Variants in GCNT3 observed in about 807,000 individuals in gnomAD.
GCNT3 encodes beta-1,3-galactosyl-O-glycosyl-glycoprotein beta-1,6-N-acetylglucosaminyltransferase 3.
For synonymous variants in GCNT3, 269 were observed against 195.2 expected (o/e 1.38, Z -3.15); for missense variants, 708 against 530.3 (o/e 1.34, Z -3.29).
chr15:59,617,555 A>T (rs2082725581), intron 2 of GCNT3, among the ~76,000 whole-genome samples: 2 of 152,242 alleles, frequency 1.3e-5, no homozygotes, highest in Non-Finnish European at 2.9e-5. Context: ...GTGTGCAAGT[A>T]TATTTTAAAC....
intron 1 of GCNT3, among the ~76,000 whole-genome samples, chr15:59,615,431 C>T (rs2082714765): frequency 6.6e-6 from 1 of 152,138 alleles, no homozygotes; most frequent in Admixed American, 6.5e-5. Flanking sequence ...GGTGTCTCTC[C>T]ACCCAAAATT....
At position 59,613,534 on chromosome 15, in the gene GCNT3, C is replaced by CAATAAATAAATA. The variant is rs199605633; in HGVS notation, c.-251+1588_-251+1599dup. Among the ~76,000 whole-genome samples the CAATAAATAAATA allele has an allele frequency of 4.2e-3, 564 of 135,486 alleles. 5 individuals are homozygous for CAATAAATAAATA. Among genetic ancestry groups the CAATAAATAAATA allele is most frequent in the African/African-American group, 0.014 (508 of 36,124 alleles). 88.9% of individuals were successfully genotyped at this position (135,486 alleles called of 152,430 possible). ...AGGGGAACAGCAAACTCCATCTCTA[C>CAATAAATAAATA]AATAAATAAATAAATAAATAAATAA... On this transcript the variant is annotated intron_variant, in intron 1 of 2. Transcript: ENST00000396065.
At chr15:59,616,183 C>A (rs1314576603) in intron 1 of GCNT3, among the ~76,000 whole-genome samples, 1 of 152,102 alleles carries the variant, frequency 6.6e-6, no homozygotes, top group African/African-American at 2.4e-5. Flanking sequence ...TATTAATAGT[C>A]GTGCAAAGAC....
At position 59,618,345 on chromosome 15, in the gene GCNT3, ACT is replaced by A; in HGVS notation, c.110_111del (p.Ser37Ter). 6.2e-7 allele frequency: 1 copy of A among 1,613,736 alleles called. No homozygotes were observed. Among genetic ancestry groups the A allele is most frequent in the Non-Finnish European group, 8.5e-7 (1 of 1,179,726 alleles). On this transcript the variant is annotated frameshift_variant, in exon 3 of 3. Transcript: ENST00000396065. LOFTEE classifies it low-confidence loss of function (END_TRUNC). The stretch of plus-strand genomic sequence containing the variant: ...AAACTTTCTTTCAGGTTGAAGTGTG[ACT>A]CTGACCACTTGGGTCTGGAGTCCAG...
At chr15:59,618,079 T>C (rs1471067728) in intron 2 of GCNT3, 100 bp from the exon 3 acceptor site, 3 of 538,242 alleles carry the variant, frequency 5.6e-6, no homozygotes, top group Non-Finnish European at 9.8e-6. Flanking sequence ...CTAAGGATTT[T>C]TGTCCAGGTA....
intron 1 of GCNT3, among the ~76,000 whole-genome samples, chr15:59,614,082 A>G (rs2082708683): frequency 1.3e-5 from 2 of 152,158 alleles, no homozygotes; most frequent in South Asian, 2.1e-4. Context: ...GGGAATCTAT[A>G]ATGCAGTTTT....
intron 1 of GCNT3, among the ~76,000 whole-genome samples, chr15:59,616,138 C>T (rs1361024505): frequency 2.0e-5 from 3 of 152,190 alleles, no homozygotes; most frequent in East Asian, 1.9e-4. Flanking sequence ...GCTCTACAAA[C>T]TGGAACCCTG....
At position 59,620,866 on chromosome 15, in the gene GCNT3, A is replaced by G. The variant is rs1200413004; in HGVS notation, c.*1311A>G. 2 of 148,718 alleles carry G rather than the reference A, an allele frequency of 1.3e-5. No homozygotes were observed. The highest frequency in any genetic ancestry group is 5.1e-5 in the African/African-American group (2 of 39,330). 9.2% of individuals were successfully genotyped at this position (148,718 alleles called of 1,614,324 possible). On this transcript the variant is annotated 3_prime_UTR_variant, in exon 3 of 3. Coordinates refer to ENST00000396065, the MANE Select transcript of GCNT3 (RefSeq NM_004751.3). ...TTCCATGTTTAGGCCTCTTGAGTCA[A>G]AACTCTTTTTTTTTTTTTTTTTTTT...
At chr15:59,617,513 G>C (rs540557661) in intron 2 of GCNT3, among the ~76,000 whole-genome samples, 1 of 152,026 alleles carries the variant, frequency 6.6e-6, no homozygotes, top group African/African-American at 2.4e-5. Flanking sequence ...ACCCACAAAA[G>C]GTACTCATTA....
In GCNT3 at chr15:59,618,344, G is replaced by T; in HGVS notation, c.106G>T (p.Asp36Tyr). Residue 36 changes from aspartate to tyrosine, a missense_variant, in exon 3 of 3, where the codon GAC becomes TAC. Physicochemically the swap from Asp to Tyr is radical, Grantham distance 160 (BLOSUM62 -3). Coordinates refer to ENST00000396065, the MANE Select transcript of GCNT3 (RefSeq NM_004751.3). ...ALKLSFRLKC[D>Y]SDHLGLESRE... is the part of the protein sequence containing the mutation. ...GAAACTTTCTTTCAGGTTGAAGTGT[G>T]ACTCTGACCACTTGGGTCTGGAGTC... 1.2e-6 allele frequency: 2 copies of T among 1,613,870 alleles called. No homozygotes were observed. Among genetic ancestry groups the T allele is most frequent in the Non-Finnish European group, 1.7e-6 (2 of 1,179,794 alleles).
At chr15:59,615,609 G>A (rs773492258) in intron 1 of GCNT3, among the ~76,000 whole-genome samples, 34 of 152,078 alleles carry the variant, frequency 2.2e-4, no homozygotes, top group African/African-American at 7.2e-4. Context: ...CAGGCTGGGC[G>A]TGGTGGCTCA....
Position 59,619,053 on chromosome 15 carries a change from T to G in GCNT3, c.815T>G (p.Val272Gly), listed in dbSNP as rs1357002162. ...CGCTGGAAATATCACTTTGAGGTAG[T>G]GAGAGACACATTACACCTAACCAAC... The part of the protein sequence containing the change: ...ETRWKYHFEV[V>G]RDTLHLTNKK... The change falls in exon 3 of 3, where the codon GTG becomes GGG. Residue 272 changes from valine to glycine, a missense_variant. Transcript: ENST00000396065. 1 of 1,614,118 alleles carries G rather than the reference T, an allele frequency of 6.2e-7. No homozygotes were observed. Among genetic ancestry groups the G allele is most frequent in the South Asian group, 1.1e-5 (1 of 91,080 alleles).
intron 1 of GCNT3, among the ~76,000 whole-genome samples, chr15:59,616,097 C>A (rs1313721927): frequency 6.6e-6 from 1 of 152,196 alleles, no homozygotes; most frequent in African/African-American, 2.4e-5. Context: ...AGACTGCCAA[C>A]AGCTCTAGAC....
chr15:59,612,339 T>G (rs2082700087), intron 1 of GCNT3, among the ~76,000 whole-genome samples: 1 of 152,240 alleles, frequency 6.6e-6, no homozygotes, highest in Non-Finnish European at 1.5e-5. Flanking sequence ...GTTAGCTATT[T>G]GAAAGACAGC....
Position 59,621,620 on chromosome 15 carries a change from C to G in GCNT3, c.*2065C>G, listed in dbSNP as rs1249398986. 1 of 87,232 alleles carries G rather than the reference C, an allele frequency of 1.1e-5. No individual in the cohort carries two copies. The highest frequency in any genetic ancestry group is 2.0e-5 in the Non-Finnish European group (1 of 49,042). 5.4% of individuals were successfully genotyped at this position (87,232 alleles called of 1,614,324 possible). A position where few individuals can be genotyped will look rare whatever the true frequency, so the allele number is the denominator to read the frequency against. On this transcript the variant is annotated 3_prime_UTR_variant, in exon 3 of 3. Coordinates refer to ENST00000396065, the MANE Select transcript of GCNT3 (RefSeq NM_004751.3). ...TTTTTTTTTTTTTTTGAGACAGAGT[C>G]TCACTCTGTCACCCAGGTTGGAGTG...
Position 59,618,524 on chromosome 15 carries a change from G to A in GCNT3, c.286G>A (p.Glu96Lys), listed in dbSNP as rs141611513. The A allele has an allele frequency of 4.3e-6, 7 of 1,614,066 alleles. No homozygotes were observed. The highest frequency in any genetic ancestry group is 5.9e-6 in the Non-Finnish European group (7 of 1,180,048). Residue 96 changes from glutamate (E) to lysine (K), a missense_variant, in exon 3 of 3, where the codon GAG becomes AAG. By Grantham distance (56) the Glu-to-Lys change is moderately conservative (BLOSUM62 1). Transcript: ENST00000396065. ...LNNLEVKKKR[E>K]PFTDTHYLSL... ...TAACCTGGAGGTCAAGAAGAAGCGA[G>A]AGCCTTTCACAGACACCCACTACCT... is the stretch of plus-strand genomic sequence containing the variant.
In GCNT3 at chr15:59,619,409, T is replaced by G; in HGVS notation, c.1171T>G (p.Cys391Gly). 1.2e-6 allele frequency: 2 copies of G among 1,614,164 alleles called. No individual in the cohort carries two copies. The highest frequency in any genetic ancestry group is 1.7e-6 in the Non-Finnish European group (2 of 1,180,018). ...PCSGIHQRAI[C>G]VYGAGDLNWM... is the part of the protein sequence containing the mutation. ...CTCTGGAATCCACCAGCGGGCTATCTGCGTTTATGGGGCTGGGGACTTGAA... is the reference window on the plus strand; with the variant it reads ...CTCTGGAATCCACCAGCGGGCTATCGGCGTTTATGGGGCTGGGGACTTGAA... Residue 391 changes from cysteine to glycine, a missense_variant, in exon 3 of 3, where the codon TGC becomes GGC. Physicochemically the swap from Cys to Gly is radical, Grantham distance 159. Coordinates refer to ENST00000396065, the MANE Select transcript of GCNT3 (RefSeq NM_004751.3).
chr15:59,614,950 T>A (rs1183974709), intron 1 of GCNT3: 1 of 152,090 alleles, frequency 6.6e-6, no homozygotes. Flanking sequence ...ATACCTAAAT[T>A]CTCTGCGCTG....
chr15:59,616,502 T>C (rs1210127226), intron 1 of GCNT3, 190 bp from the exon 2 acceptor site: 2 of 152,202 alleles, frequency 1.3e-5, no homozygotes, highest in Non-Finnish European at 2.9e-5. Flanking sequence ...AGGTACAAAC[T>C]GGGCTGTTCT....
Sources: allele counts gnomAD v4.1 joint callset (sites outside exome capture counted in the v4.1 genomes callset), GRCh38; gene constraint gnomAD v4.1.1; transcripts MANE v1.5; gene names NCBI Gene and HGNC (gene_info 2026-07-23, HGNC 2026-07-21).